The following SIK3 variants were observed in gnomAD, a reference collection of about 807,000 sequenced individuals.
SIK3 encodes the protein SIK family kinase 3.
In SIK3, 28 loss-of-function variants were observed where a neutral mutation model predicts 144.2. The ratio of observed to expected loss-of-function variants is 0.19; its 90% confidence interval spans 0.14 to 0.27. SIK3 has a LOEUF of 0.27. Ranked by LOEUF, SIK3 falls within the 10% of genes least tolerant of loss-of-function variation. SIK3 has a pLI of 1.00. For missense variants in SIK3, 1,319 were observed against 1,776.0 expected (o/e 0.74, Z 4.62); for synonymous variants, 686 against 676.3 (o/e 1.01, Z -0.22).
At chr11:116,963,421 G>A (rs1326328668) in intron 1 of SIK3, among the ~76,000 whole-genome samples, 1 of 152,060 alleles carries the variant, frequency 6.6e-6, no homozygotes, top group Non-Finnish European at 1.5e-5. Context: ...CAGAAATTAA[G>A]ACAAAAATTT....
At position 116,993,885 on chromosome 11, in the gene SIK3, C is replaced by T. The variant is rs139544595; in HGVS notation, c.274-36821G>A. Among the ~76,000 whole-genome samples, 51 of 152,270 alleles carry T rather than the reference C, an allele frequency of 3.3e-4. No individual in the cohort carries two copies. In the East Asian group the frequency reaches 7.9e-3, roughly 24 times the overall value. ...GTGACAGCCAAGCAAGTGCCTTTTC[C>T]GAACTGTGTGGCACACAGACATCAG... On this transcript the variant is annotated intron_variant, in intron 1 of 24. Transcript: ENST00000445177.
chr11:116,998,144 C>T lies in SIK3; in HGVS notation c.274-41080G>A, dbSNP rs997813989. On this transcript the variant is annotated intron_variant, in intron 1 of 24. Transcript: ENST00000445177. ...ACAACAGTTTATGTTTTTACCTCCA[C>T]AGGTAGTGTATATGATAATTTAAAA... is the stretch of plus-strand genomic sequence containing the variant. 8.7e-5 allele frequency among the ~76,000 whole-genome samples: 13 copies of T among 149,282 alleles called. No homozygotes were observed. In the Admixed American group the frequency reaches 8.7e-4, roughly 10 times the overall value.
chr11:116,898,325 T>C (rs1455558945), intron 4 of SIK3, among the ~76,000 whole-genome samples: 5 of 152,334 alleles, frequency 3.3e-5, no homozygotes, highest in Non-Finnish European at 5.9e-5. Context: ...TATGGCTGCA[T>C]AGTATTCCAT....
intron 14 of SIK3, chr11:116,870,121 G>T (rs2134501489): frequency 6.6e-7 from 1 of 1,522,944 alleles, no homozygotes; most frequent in African/African-American, 1.4e-5. Flanking sequence ...GTCACTTAGG[G>T]GACTTCCAAT....
chr11:117,023,620 AAATATAT>A (rs1187695806), intron 1 of SIK3, among the ~76,000 whole-genome samples: 5 of 99,294 alleles, frequency 5.0e-5, no homozygotes, highest in African/African-American at 2.2e-4. Context: ...AAAAAAAAAA[AAATATAT>A]ATATATATAT....
chr11:116,870,117 T>C (rs1407731159), intron 14 of SIK3: 2 of 1,520,456 alleles, frequency 1.3e-6, no homozygotes, highest in South Asian at 2.4e-5. Flanking sequence ...TGCTGTCACT[T>C]AGGGGACTTC....
chr11:116,954,155 T>G, intron 2 of SIK3, 48 bp from the exon 3 acceptor site: 1 of 1,508,390 alleles, frequency 6.6e-7, no homozygotes, highest in Non-Finnish European at 9.2e-7. Flanking sequence ...AATGACAGGC[T>G]GATACAGGAA....
intron 7 of SIK3, 45 bp from the exon 8 acceptor site, chr11:116,876,408 C>G (rs368881011): frequency 6.8e-7 from 1 of 1,465,838 alleles, no homozygotes; most frequent in South Asian, 1.1e-5. Flanking sequence ...CAATTAACCA[C>G]ATCAAATGTG....
intron 1 of SIK3, among the ~76,000 whole-genome samples, chr11:116,959,815 T>C (rs984340205): frequency 1.3e-5 from 2 of 152,242 alleles, no homozygotes; most frequent in Admixed American, 1.3e-4. Flanking sequence ...AATGGGTTTA[T>C]TGGGACGTAA....
intron 1 of SIK3, among the ~76,000 whole-genome samples, chr11:117,002,084 T>C (rs1264432523): frequency 6.6e-6 from 1 of 152,176 alleles, no homozygotes; most frequent in African/African-American, 2.4e-5. Flanking sequence ...TCCCTGAACT[T>C]GTATGCTTTT....
intron 1 of SIK3, among the ~76,000 whole-genome samples, chr11:117,080,158 C>T (rs766685788): frequency 1.3e-5 from 2 of 152,078 alleles, no homozygotes; most frequent in Non-Finnish European, 2.9e-5. Flanking sequence ...AAATGATGCT[C>T]GAATGTACTA....
At position 117,098,312 on chromosome 11, in the gene SIK3, G is replaced by A. The variant is rs1955576756; in HGVS notation, c.104C>T (p.Pro35Leu). ...AGGGGACACGGCAGCGGGGGCGGCT[G>A]GGGACCCCGGCGCGGGCGGAGGCAG... ...RLLPPPAPGS[P>L]AAPAAVSPAA... The change falls in exon 1 of 25, where the codon CCA becomes CTA. Residue 35 changes from proline to leucine, a missense_variant. By Grantham distance (98) the Pro-to-Leu change is moderately conservative (BLOSUM62 -3). Transcript: ENST00000445177. 1.7e-6 allele frequency: 2 copies of A among 1,163,912 alleles called. No homozygotes were observed. The highest frequency in any genetic ancestry group is 2.1e-6 in the Non-Finnish European group (2 of 947,554). 72.1% of individuals were successfully genotyped at this position (1,163,912 alleles called of 1,614,324 possible). A position where few individuals can be genotyped will look rare whatever the true frequency, so the allele number is the denominator to read the frequency against.
chr11:116,949,269 T>G (rs1308099372), intron 3 of SIK3, among the ~76,000 whole-genome samples: 1 of 152,246 alleles, frequency 6.6e-6, no homozygotes, highest in Non-Finnish European at 1.5e-5. Flanking sequence ...CAGCCTCTAA[T>G]GTGATTCCTC....
At chr11:117,057,518 C>T (rs1480091225) in intron 1 of SIK3, among the ~76,000 whole-genome samples, 1 of 152,172 alleles carries the variant, frequency 6.6e-6, no homozygotes, top group African/African-American at 2.4e-5. Context: ...AACAAGTACT[C>T]GGTCACAGAC....
At chr11:116,847,987 G>T (rs867131479) in intron 22 of SIK3, among the ~76,000 whole-genome samples, 1 of 152,170 alleles carries the variant, frequency 6.6e-6, no homozygotes, top group Non-Finnish European at 1.5e-5. Context: ...GTCCAATATG[G>T]TAACCAGTAG....
intron 1 of SIK3, among the ~76,000 whole-genome samples, chr11:117,022,440 C>A (rs1951819336): frequency 6.6e-6 from 1 of 152,148 alleles, no homozygotes; most frequent in African/African-American, 2.4e-5. Context: ...AAAAGCCTAA[C>A]TGAAAAAACA....
chr11:117,039,746 T>C (rs1952661808), intron 1 of SIK3, among the ~76,000 whole-genome samples: 1 of 152,212 alleles, frequency 6.6e-6, no homozygotes, highest in Admixed American at 6.5e-5. Context: ...TACATGATCA[T>C]CTGATTTAAT....
At position 116,849,337 on chromosome 11, in the gene SIK3, G is replaced by A; in HGVS notation, c.3656-54C>T. 6.2e-7 allele frequency: 1 copy of A among 1,603,076 alleles called. No individual in the cohort carries two copies. The highest frequency in any genetic ancestry group is 8.5e-7 in the Non-Finnish European group (1 of 1,172,156). On this transcript the variant is annotated intron_variant, in intron 21 of 24. Transcript: ENST00000445177. The surrounding 1 kb of genome is among the most constrained non-coding windows in gnomAD (Gnocchi z 4.2). The stretch of plus-strand genomic sequence containing the variant: ...TGGGGCGGAACTTCTCCCAGCACTG[G>A]AAACTCCCATCCAAGAAATGTCTTG...
intron 6 of SIK3, 65 bp from the exon 7 acceptor site, chr11:116,877,107 C>G (rs1265465108): frequency 1.4e-6 from 2 of 1,434,858 alleles, no homozygotes; most frequent in Non-Finnish European, 2.0e-6. Context: ...AGTAGAGGAA[C>G]CAGGGGCAAA....
Sources: gnomAD v4.1 joint callset for allele counts (sites outside exome capture counted in the v4.1 genomes callset) on GRCh38, gnomAD v4.1.1 for gene constraint, Gnocchi (gnomAD v3.1) non-coding constraint, MANE v1.5 for transcripts, NCBI Gene and HGNC (gene_info 2026-07-23, HGNC 2026-07-21) for gene names.